AFTPH: variants seen among roughly 807,000 people sequenced by gnomAD.
The protein encoded by AFTPH is aftiphilin protein.
Under a neutral mutation model 72.5 loss-of-function variants are expected in AFTPH, and 7 were observed. The observed-to-expected ratio is 0.10, with a 90% CI of 0.05 to 0.18. The LOEUF (loss-of-function observed/expected upper bound fraction) is 0.18. Among genes scored for constraint, AFTPH ranks in the 10% least tolerant of loss-of-function variants. The probability of loss-of-function intolerance (pLI) is 1.00; values close to 1 mark genes in which losing one functional copy is unlikely to be tolerated. For synonymous variants in AFTPH, 337 were observed against 370.1 expected (o/e 0.91, Z 1.03); for missense variants, 979 against 1,060.5 (o/e 0.92, Z 1.07).
At chr2:64,573,665 C>CTTTTTT (rs1004539551) in intron 6 of AFTPH, among the ~76,000 whole-genome samples, 1 of 150,246 alleles carries the variant, frequency 6.7e-6, no homozygotes, top group African/African-American at 2.4e-5. Flanking sequence ...ATAGAAAACT[C>CTTTTTT]TTTTTTTTTG....
intron 1 of AFTPH, among the ~76,000 whole-genome samples, chr2:64,541,693 T>C (rs1052026274): frequency 1.3e-5 from 2 of 152,168 alleles, no homozygotes; most frequent in African/African-American, 4.8e-5. Flanking sequence ...TTTGGAAGAA[T>C]TTGAACTACT....
chr2:64,530,001 G>C (rs1403412846), intron 1 of AFTPH, among the ~76,000 whole-genome samples: 2 of 151,928 alleles, frequency 1.3e-5, no homozygotes, highest in East Asian at 3.9e-4. Flanking sequence ...TAAAAATATA[G>C]AAAAATTAGC....
chr2:64,541,979 T>C (rs1480678950), intron 1 of AFTPH, among the ~76,000 whole-genome samples: 1 of 152,214 alleles, frequency 6.6e-6, no homozygotes, highest in Non-Finnish European at 1.5e-5. Context: ...ACCATCCTTC[T>C]TTCTACAATA....
In AFTPH at chr2:64,581,231, C is replaced by T. The variant is rs1673176553; in HGVS notation, c.2455+1685C>T. ...TCTTCTGAACCTTGATTTCTTTGGGCCCGTGGATGACAGTAGCTCTAGCAG... is the reference window on the plus strand; with the variant it reads ...TCTTCTGAACCTTGATTTCTTTGGGTCCGTGGATGACAGTAGCTCTAGCAG... On this transcript the variant is annotated intron_variant, in intron 7 of 8. Coordinates refer to ENST00000238856, the Ensembl canonical transcript of AFTPH. The T allele has an allele frequency of 2.5e-6, 4 of 1,601,640 alleles. No individual in the cohort carries two copies. In the East Asian group the frequency reaches 9.0e-5, roughly 36 times the overall value.
intron 2 of AFTPH, among the ~76,000 whole-genome samples, chr2:64,561,152 A>G (rs1242863776): frequency 6.6e-6 from 1 of 152,224 alleles, no homozygotes; most frequent in Non-Finnish European, 1.5e-5. Flanking sequence ...CCTGCCTTGA[A>G]TAGCATTTGA....
chr2:64,579,829 G>T, intron 7 of AFTPH: 1 of 289,922 alleles, frequency 3.4e-6, no homozygotes, highest in Non-Finnish European at 6.3e-6. Flanking sequence ...TAGTTTAAAA[G>T]GTATTTTAGC....
At chr2:64,559,340 T>C (rs1671578234) in intron 2 of AFTPH, among the ~76,000 whole-genome samples, 1 of 152,220 alleles carries the variant, frequency 6.6e-6, no homozygotes, top group East Asian at 1.9e-4. Context: ...GAGAGATTGA[T>C]TATTGGAAAT....
intron 2 of AFTPH, among the ~76,000 whole-genome samples, chr2:64,563,488 A>T (rs1671861214): frequency 6.6e-6 from 1 of 152,186 alleles, no homozygotes; most frequent in African/African-American, 2.4e-5. Flanking sequence ...CCTGAAAAAA[A>T]CCTGTCTGGT....
chr2:64,544,373 G>C (rs1003923646), intron 1 of AFTPH, among the ~76,000 whole-genome samples: 1 of 152,120 alleles, frequency 6.6e-6, no homozygotes, highest in African/African-American at 2.4e-5. Context: ...CCTCTAACAG[G>C]TCTTAGAATA....
intron 1 of AFTPH, among the ~76,000 whole-genome samples, chr2:64,528,320 T>C (rs1669402499): frequency 6.6e-6 from 1 of 152,214 alleles, no homozygotes; most frequent in African/African-American, 2.4e-5. Context: ...GAGCACCTGC[T>C]ATTTGTCCGG....
chr2:64,575,703 A>ATATGTG (rs1443814464), intron 6 of AFTPH, among the ~76,000 whole-genome samples: 2 of 145,712 alleles, frequency 1.4e-5, no homozygotes, highest in African/African-American at 5.1e-5. Flanking sequence ...ATGTGTGTAT[A>ATATGTG]TGTGTGTGTG....
At chr2:64,555,175 G>T (rs1671278040) in intron 2 of AFTPH, among the ~76,000 whole-genome samples, 1 of 152,144 alleles carries the variant, frequency 6.6e-6, no homozygotes, top group Non-Finnish European at 1.5e-5. Flanking sequence ...ATTTTAAAAT[G>T]AGTGAAATAA....
At chr2:64,583,291 A>T (rs574962787) in intron 7 of AFTPH, among the ~76,000 whole-genome samples, 1 of 150,986 alleles carries the variant, frequency 6.6e-6, no homozygotes, top group Non-Finnish European at 1.5e-5. Flanking sequence ...TTATGTAACT[A>T]AACCATGCCT....
intron 2 of AFTPH, among the ~76,000 whole-genome samples, chr2:64,567,007 G>A (rs1672125981): frequency 6.6e-6 from 1 of 152,116 alleles, no homozygotes; most frequent in South Asian, 2.1e-4. Flanking sequence ...ACTTTGGTTT[G>A]TACTGTTAGC....
At chr2:64,572,815 A>C (rs1160289869) in intron 5 of AFTPH, 131 bp from the exon 6 acceptor site, 22 of 1,189,362 alleles carry the variant, frequency 1.8e-5, no homozygotes, top group Non-Finnish European at 2.2e-5. Flanking sequence ...AAAAAAAAAA[A>C]AGACTAGTTC....
chr2:64,586,457 A>G (rs946849125), intron 8 of AFTPH, among the ~76,000 whole-genome samples: 1 of 152,254 alleles, frequency 6.6e-6, no homozygotes, highest in African/African-American at 2.4e-5. Flanking sequence ...AAAGACATCC[A>G]TTTAAAAAAG....
chr2:64,566,873 T>C (rs1672119645), intron 2 of AFTPH, among the ~76,000 whole-genome samples: 1 of 151,974 alleles, frequency 6.6e-6, no homozygotes, highest in South Asian at 2.1e-4. Flanking sequence ...TAGTATTCTA[T>C]TCAAAAATAT....
At chr2:64,534,113 T>C (rs1453536899) in intron 1 of AFTPH, among the ~76,000 whole-genome samples, 21 of 152,184 alleles carry the variant, frequency 1.4e-4, no homozygotes, top group Non-Finnish European at 1.5e-5. Flanking sequence ...TTAAGTTTTG[T>C]AGTATTTTCA....
chr2:64,576,104 CACACACACACACACGT>C (rs1672771208), intron 6 of AFTPH, among the ~76,000 whole-genome samples: 1 of 113,110 alleles, frequency 8.8e-6, no homozygotes, highest in African/African-American at 5.7e-5. Context: ...CACACACACA[CACACACACACACACGT>C]GTGTCATACA....
Sources: gnomAD v4.1 joint callset for allele counts (sites outside exome capture counted in the v4.1 genomes callset) on GRCh38, gnomAD v4.1.1 for gene constraint, MANE v1.5 for transcripts, NCBI Gene and HGNC (gene_info 2026-07-23, HGNC 2026-07-21) for gene names.